HSD17B12: variants seen among roughly 807,000 people sequenced by gnomAD.
HSD17B12 encodes hydroxysteroid 17-beta dehydrogenase 12, also known as very-long-chain 3-oxoacyl-CoA reductase.
A neutral mutation model predicts 39.3 loss-of-function variants in HSD17B12; 32 were observed. That is an observed-to-expected ratio of 0.81 (90% CI 0.61 to 1.09). The LOEUF (loss-of-function observed/expected upper bound fraction) is 1.09, where lower values mean the gene tolerates loss of function less well. Among genes scored for constraint, HSD17B12 ranks in the 50% least tolerant of loss-of-function variants. The probability of loss-of-function intolerance (pLI) is 0.00; values close to 1 mark genes in which losing one functional copy is unlikely to be tolerated. For missense variants in HSD17B12, 342 were observed against 382.9 expected, an observed-to-expected ratio of 0.89 and a Z score of 0.89; for synonymous variants, 150 against 146.7, an observed-to-expected ratio of 1.02 and a Z score of -0.16.
At chr11:43,668,836 C>A in the HSD17B12 span, among the ~76,000 whole-genome samples, 1 of 151,892 alleles carries the variant, frequency 6.6e-6, no homozygotes, top group South Asian at 2.1e-4. Flanking sequence ...CCAGTGTGTG[C>A]CACCATGTCC....
intron 1 of HSD17B12, among the ~76,000 whole-genome samples, chr11:43,696,928 A>G (rs1411686143): frequency 6.6e-6 from 1 of 151,840 alleles, no homozygotes; most frequent in Admixed American, 6.6e-5. Context: ...ACCAAACACC[A>G]CATGTTCTCA....
chr11:43,558,151 T>C, the HSD17B12 span, among the ~76,000 whole-genome samples: 1 of 152,006 alleles, frequency 6.6e-6, no homozygotes. Context: ...ACCAGGGCTT[T>C]ATTGTGTGTA....
the HSD17B12 span, among the ~76,000 whole-genome samples, chr11:43,650,687 ACC>A: frequency 6.6e-6 from 1 of 152,226 alleles, no homozygotes; most frequent in Non-Finnish European, 1.5e-5. Flanking sequence ...CTCAGATCCA[ACC>A]TGAGGTTCTT....
At chr11:43,813,740 A>T (rs1280727493) in intron 4 of HSD17B12, among the ~76,000 whole-genome samples, 1 of 152,186 alleles carries the variant, frequency 6.6e-6, no homozygotes, top group Non-Finnish European at 1.5e-5. Flanking sequence ...TGGGTGGAGA[A>T]CCTATTGAAT....
chr11:43,567,737 T>G, the HSD17B12 span, among the ~76,000 whole-genome samples: 1 of 152,236 alleles, frequency 6.6e-6, no homozygotes, highest in African/African-American at 2.4e-5. Context: ...TTCTTCTGCC[T>G]CTTTTACAAT....
At chr11:43,624,637 T>C in the HSD17B12 span, among the ~76,000 whole-genome samples, 3 of 151,952 alleles carry the variant, frequency 2.0e-5, no homozygotes, top group East Asian at 3.9e-4. Flanking sequence ...GGTTCAGAAA[T>C]TCAAAAGTAA....
the HSD17B12 span, chr11:43,569,521 T>G: frequency 6.6e-6 from 1 of 152,214 alleles, no homozygotes; most frequent in Admixed American, 6.5e-5. Context: ...TCTTGATGAA[T>G]AGTCTGTTCA....
At chr11:43,650,398 G>T in the HSD17B12 span, among the ~76,000 whole-genome samples, 1 of 152,140 alleles carries the variant, frequency 6.6e-6, no homozygotes, top group Non-Finnish European at 1.5e-5. Context: ...GAGGAATTAA[G>T]ATTAGAGCAA....
At chr11:43,592,619 G>A in the HSD17B12 span, among the ~76,000 whole-genome samples, 2 of 152,138 alleles carry the variant, frequency 1.3e-5, no homozygotes, top group African/African-American at 4.8e-5. Context: ...GAAATTCACT[G>A]TACTATTGCA....
At chr11:43,601,076 AT>A in the HSD17B12 span, among the ~76,000 whole-genome samples, 74 of 149,694 alleles carry the variant, frequency 4.9e-4, no homozygotes, top group African/African-American at 1.8e-3. Flanking sequence ...TCCTTTTTTT[AT>A]TTTTATTTTT....
chr11:43,766,047 G>A (rs1051560901), intron 3 of HSD17B12, among the ~76,000 whole-genome samples: 4 of 152,094 alleles, frequency 2.6e-5, no homozygotes, highest in Non-Finnish European at 4.4e-5. Flanking sequence ...AGATGGTCTC[G>A]ATCTCCTGAC....
intron 6 of HSD17B12, among the ~76,000 whole-genome samples, chr11:43,823,480 A>C (rs1951202724): frequency 6.6e-6 from 1 of 152,098 alleles, no homozygotes. Flanking sequence ...TATGTTGCTC[A>C]GGCTGGACTG....
the HSD17B12 span, among the ~76,000 whole-genome samples, chr11:43,622,209 G>T: frequency 1.3e-5 from 2 of 152,222 alleles, no homozygotes; most frequent in African/African-American, 4.8e-5. Flanking sequence ...GAGACGGGAT[G>T]ACAGAGCTGA....
the HSD17B12 span, among the ~76,000 whole-genome samples, chr11:43,609,976 T>G: frequency 6.6e-6 from 1 of 152,180 alleles, no homozygotes; most frequent in Non-Finnish European, 1.5e-5. Context: ...ATTACCTAAT[T>G]CATGTTTTCA....
Position 43,754,333 on chromosome 11 carries a change from G to A in HSD17B12, c.283+212G>A, listed in dbSNP as rs551850002. ...CACGCCTGTAATCCCAGCACTTTGG[G>A]AGGCTGAGGCGGGTGGATTACCTGA... On this transcript the variant is annotated intron_variant, in intron 3 of 10. Coordinates refer to ENST00000278353, the MANE Select transcript of HSD17B12 (RefSeq NM_016142.3). Among the ~76,000 whole-genome samples, 727 of 152,298 alleles carry A rather than the reference G, an allele frequency of 4.8e-3. 6 individuals are homozygous for A. Among genetic ancestry groups the A allele is most frequent in the African/African-American group, 0.017 (688 of 41,562 alleles).
chr11:43,633,582 T>C, the HSD17B12 span, among the ~76,000 whole-genome samples: 1 of 151,902 alleles, frequency 6.6e-6, no homozygotes, highest in Non-Finnish European at 1.5e-5. Context: ...AACAACAACA[T>C]AGCACACATT....
At chr11:43,774,218 ATT>A (rs879934677) in intron 3 of HSD17B12, among the ~76,000 whole-genome samples, 1 of 145,710 alleles carries the variant, frequency 6.9e-6, no homozygotes, top group Non-Finnish European at 1.5e-5. Context: ...AGACTTTGTA[ATT>A]TTTTTTTTTT....
chr11:43,627,955 C>G, the HSD17B12 span, among the ~76,000 whole-genome samples: 146 of 150,862 alleles, frequency 9.7e-4, no homozygotes, highest in African/African-American at 3.3e-3. Flanking sequence ...AAAGTAATGA[C>G]TTTTTTTTTA....
chr11:43,753,869 A>C (rs543320332), intron 2 of HSD17B12, among the ~76,000 whole-genome samples, 177 bp from the exon 3 acceptor site: 184 of 152,294 alleles, frequency 1.2e-3, no homozygotes, highest in African/African-American at 4.3e-3. Flanking sequence ...GCTTAGAAAG[A>C]TAACTTTTTG....
Sources: gnomAD v4.1 joint callset for allele counts (sites outside exome capture counted in the v4.1 genomes callset) on GRCh38, gnomAD v4.1.1 for gene constraint, MANE v1.5 for transcripts, NCBI Gene and HGNC (gene_info 2026-07-23, HGNC 2026-07-21) for gene names.